AGMO: variants seen among roughly 807,000 people sequenced by gnomAD.
AGMO encodes alkylglycerol monooxygenase.
Under a neutral mutation model 60.2 loss-of-function variants are expected in AGMO, and 75 were observed. The ratio of observed to expected loss-of-function variants is 1.25; its 90% confidence interval spans 1.03 to 1.51. The LOEUF (loss-of-function observed/expected upper bound fraction) is 1.51, where lower values mean the gene tolerates loss of function less well. Among genes scored for constraint, AGMO ranks in the 40% most tolerant of loss-of-function variants. The probability of loss-of-function intolerance (pLI) is 0.00; values close to 1 mark genes in which losing one functional copy is unlikely to be tolerated. For missense variants in AGMO, 763 were observed against 525.5 expected, an observed-to-expected ratio of 1.45 and a Z score of -4.42; for synonymous variants, 261 against 177.1, an observed-to-expected ratio of 1.47 and a Z score of -3.76.
At chr7:15,198,699 A>T (rs1345451406), downstream of AGMO, among the ~76,000 whole-genome samples, 1 of 152,088 alleles carries the variant, frequency 6.6e-6, no homozygotes, top group Non-Finnish European at 1.5e-5. Context: ...ATCAGGTCAG[A>T]GATAAAAATC....
At chr7:15,371,245 G>A (rs1388607592) in intron 10 of AGMO, among the ~76,000 whole-genome samples, 1 of 151,974 alleles carries the variant, frequency 6.6e-6, no homozygotes, top group Non-Finnish European at 1.5e-5. Context: ...TTGAAACAGA[G>A]TTTTACTCCC....
intron 12 of AGMO, among the ~76,000 whole-genome samples, chr7:15,322,356 G>T (rs76530362): frequency 0.023 from 3,213 of 142,572 alleles, 61 homozygotes; most frequent in East Asian, 0.051. Flanking sequence ...GAAAACAATT[G>T]GGATCCAAGG....
chr7:15,349,870 C>A (rs1435027393), intron 12 of AGMO, among the ~76,000 whole-genome samples: 1 of 152,108 alleles, frequency 6.6e-6, no homozygotes, highest in African/African-American at 2.4e-5. Flanking sequence ...TAACCTCCCC[C>A]AGTGATTGAA....
At chr7:15,308,862 A>G (rs1780686646) in intron 12 of AGMO, among the ~76,000 whole-genome samples, 2 of 152,188 alleles carry the variant, frequency 1.3e-5, no homozygotes, top group South Asian at 2.1e-4. Context: ...TAATTTACCT[A>G]AACACATTCA....
chr7:15,445,707 C>A (rs1781682122), intron 3 of AGMO, among the ~76,000 whole-genome samples: 1 of 152,280 alleles, frequency 6.6e-6, no homozygotes, highest in African/African-American at 2.4e-5. Flanking sequence ...TATGACTACA[C>A]CAAATGTCCC....
intron 8 of AGMO, among the ~76,000 whole-genome samples, chr7:15,389,559 G>C (rs531709836): frequency 2.1e-4 from 32 of 152,222 alleles, no homozygotes; most frequent in African/African-American, 6.7e-4. Flanking sequence ...GGTGTACGAG[G>C]AGATAAAAAT....
the AGMO span, among the ~76,000 whole-genome samples, chr7:15,118,173 AACACAC>A: frequency 0.016 from 2,369 of 144,672 alleles, 44 homozygotes; most frequent in Admixed American, 0.037. Context: ...ACTAAAGAGA[AACACAC>A]ACACACACAC....
chr7:15,117,254 G>A, the AGMO span, among the ~76,000 whole-genome samples: 9 of 152,030 alleles, frequency 5.9e-5, no homozygotes, highest in South Asian at 2.1e-4. Flanking sequence ...TCAGATTAGC[G>A]GTTTCCAAGG....
intron 12 of AGMO, among the ~76,000 whole-genome samples, chr7:15,345,407 G>A (rs114330585): frequency 0.011 from 1,628 of 152,210 alleles, 37 homozygotes; most frequent in African/African-American, 0.038. Flanking sequence ...AAGCAGCATG[G>A]TGAACTCACA....
chr7:15,157,684 C>A, the AGMO span, among the ~76,000 whole-genome samples: 1 of 152,176 alleles, frequency 6.6e-6, no homozygotes, highest in Non-Finnish European at 1.5e-5. Flanking sequence ...AGATTATCTG[C>A]AAGCTTCTAA....
chr7:15,462,888 G>A (rs1263653621), intron 3 of AGMO, among the ~76,000 whole-genome samples: 1 of 152,098 alleles, frequency 6.6e-6, no homozygotes, highest in Non-Finnish European at 1.5e-5. Context: ...AAAACTCAAT[G>A]AGTCAAATTT....
intron 2 of AGMO, among the ~76,000 whole-genome samples, chr7:15,554,668 C>CA (rs1274601738): frequency 6.6e-6 from 1 of 151,878 alleles, no homozygotes; most frequent in East Asian, 1.9e-4. Flanking sequence ...TCAGTTACTA[C>CA]AAAAAAAGCT....
the AGMO span, among the ~76,000 whole-genome samples, chr7:15,171,704 ATG>A: frequency 3.9e-5 from 6 of 152,312 alleles, no homozygotes; most frequent in South Asian, 2.1e-4. Context: ...GTATTATACC[ATG>A]TGTGTTTTAT....
At chr7:15,180,149 C>T in the AGMO span, among the ~76,000 whole-genome samples, 1 of 152,164 alleles carries the variant, frequency 6.6e-6, no homozygotes. Context: ...TAGCAAAAGG[C>T]TGCTTTGCTA....
At chr7:15,337,127 G>A (rs563295673) in intron 12 of AGMO, among the ~76,000 whole-genome samples, 34 of 152,262 alleles carry the variant, frequency 2.2e-4, no homozygotes, top group East Asian at 1.4e-3. Context: ...GTGGGATAAG[G>A]AGCAAGGACT....
the AGMO span, among the ~76,000 whole-genome samples, chr7:15,146,277 T>C: frequency 2.6e-5 from 4 of 152,194 alleles, no homozygotes; most frequent in Non-Finnish European, 5.9e-5. Context: ...TAAATTTAGC[T>C]TATTCAGAAA....
chr7:15,163,401 T>C, the AGMO span, among the ~76,000 whole-genome samples: 1 of 152,132 alleles, frequency 6.6e-6, no homozygotes, highest in Non-Finnish European at 1.5e-5. Flanking sequence ...CTTGTTCCAG[T>C]TCTTAGGGGG....
intron 12 of AGMO, among the ~76,000 whole-genome samples, chr7:15,207,660 C>T (rs1324649957): frequency 3.3e-5 from 5 of 152,200 alleles, no homozygotes; most frequent in African/African-American, 1.2e-4. Context: ...ATAGGCCGGG[C>T]GTGGTGGCTC....
chr7:15,283,551 T>A (rs1316851864), intron 12 of AGMO, among the ~76,000 whole-genome samples: 1 of 152,056 alleles, frequency 6.6e-6, no homozygotes, highest in African/African-American at 2.4e-5. Context: ...TAAATTTACA[T>A]GCACCTAACT....
Sources: allele counts gnomAD v4.1 joint callset (sites outside exome capture counted in the v4.1 genomes callset), GRCh38; gene constraint gnomAD v4.1.1; transcripts MANE v1.5; gene names NCBI Gene and HGNC (gene_info 2026-07-23, HGNC 2026-07-21).